Variants in BABAM2 observed in about 807,000 individuals in gnomAD.
BABAM2 encodes BRISC and BRCA1 A complex member 2.
In BABAM2, 31 loss-of-function variants were observed where a neutral mutation model predicts 54.7. The observed-to-expected ratio is 0.57, with a 90% CI of 0.43 to 0.77. BABAM2 has a LOEUF of 0.77. BABAM2 is among the 30% of genes least tolerant of loss of function. The pLI is 0.00. For synonymous variants in BABAM2, 167 were observed against 162.9 expected (o/e 1.03, Z -0.19); for missense variants, 364 against 455.8 (o/e 0.80, Z 1.83).
intron 5 of BABAM2, among the ~76,000 whole-genome samples, chr2:28,039,088 A>G (rs1424257031): frequency 6.6e-6 from 1 of 152,186 alleles, no homozygotes; most frequent in Non-Finnish European, 1.5e-5. Flanking sequence ...CTACTAGACT[A>G]TAAGCTCCAA....
intron 2 of BABAM2, among the ~76,000 whole-genome samples, chr2:27,918,948 C>A (rs1192108131): frequency 6.6e-6 from 1 of 152,184 alleles, no homozygotes; most frequent in Non-Finnish European, 1.5e-5. Flanking sequence ...ACTTGGCCTT[C>A]TAACGTGCTA....
chr2:27,946,362 T>C (rs905653659), intron 3 of BABAM2, among the ~76,000 whole-genome samples: 1 of 152,264 alleles, frequency 6.6e-6, no homozygotes, highest in Non-Finnish European at 1.5e-5. Context: ...TTGATTATTA[T>C]GTATGATCCT....
In BABAM2 at chr2:28,166,928, A is replaced by T. The variant is rs577145896; in HGVS notation, c.680+37548A>T. On this transcript the variant is annotated intron_variant, in intron 7 of 11. Coordinates refer to ENST00000379624, the MANE Select transcript of BABAM2 (RefSeq NM_199191.3). ...ATGCCTACTGGACACCCAGGGGGAG[A>T]TATCCAAGAGACAGTTAGAAATTTA... is the stretch of plus-strand genomic sequence containing the variant. Among the ~76,000 whole-genome samples, 19 of 152,264 alleles carry T rather than the reference A, an allele frequency of 1.2e-4. 1 individual carries two copies. Among genetic ancestry groups the T allele is most frequent in the Admixed American group, 1.2e-3 (18 of 15,282 alleles).
chr2:28,320,425 C>T (rs1256315123), intron 11 of BABAM2, among the ~76,000 whole-genome samples: 1 of 152,236 alleles, frequency 6.6e-6, no homozygotes, highest in African/African-American at 2.4e-5. Context: ...TGCATGTCAG[C>T]GCTGTCGCAC....
chr2:28,078,989 A>G (rs1664933158), intron 6 of BABAM2, among the ~76,000 whole-genome samples: 1 of 152,180 alleles, frequency 6.6e-6, no homozygotes, highest in South Asian at 2.1e-4. Flanking sequence ...TCCAGCATGA[A>G]CCAATTTTTC....
chr2:27,926,592 G>A (rs1192159637), intron 2 of BABAM2, among the ~76,000 whole-genome samples: 1 of 152,106 alleles, frequency 6.6e-6, no homozygotes, highest in Non-Finnish European at 1.5e-5. Flanking sequence ...ATAGCATTTA[G>A]CAATCCTAAA....
chr2:27,918,952 C>T (rs928918146), intron 2 of BABAM2, among the ~76,000 whole-genome samples: 20 of 152,200 alleles, frequency 1.3e-4, no homozygotes, highest in African/African-American at 3.9e-4. Context: ...GGCCTTCTAA[C>T]GTGCTAAGAT....
At chr2:28,308,069 C>T (rs1392012637) in intron 11 of BABAM2, 2 of 194,588 alleles carry the variant, frequency 1.0e-5, no homozygotes, top group Non-Finnish European at 2.1e-5. Context: ...ATTATAAAAA[C>T]TGAGGCTCAG....
chr2:27,936,730 T>C (rs1312110966), intron 3 of BABAM2, among the ~76,000 whole-genome samples: 2 of 151,368 alleles, frequency 1.3e-5, no homozygotes, highest in African/African-American at 4.9e-5. Context: ...TTCTCACTCA[T>C]AGGTGGGAAT....
At chr2:28,083,836 G>A (rs558656874) in intron 6 of BABAM2, among the ~76,000 whole-genome samples, 44 of 152,186 alleles carry the variant, frequency 2.9e-4, no homozygotes, top group Middle Eastern at 3.4e-3. Context: ...TGGTCATTTC[G>A]TGATCTGTAT....
chr2:28,099,596 TTTTA>T (rs1666904594), intron 6 of BABAM2, among the ~76,000 whole-genome samples: 1 of 152,240 alleles, frequency 6.6e-6, no homozygotes, highest in Non-Finnish European at 1.5e-5. Context: ...TTACTAGGGT[TTTTA>T]TTTAGTTATT....
chr2:28,092,259 A>C (rs1482138943), intron 6 of BABAM2, among the ~76,000 whole-genome samples: 1 of 152,188 alleles, frequency 6.6e-6, no homozygotes, highest in African/African-American at 2.4e-5. Context: ...TAATGATTGG[A>C]AAGGAAGAAG....
Position 28,230,250 on chromosome 2 carries a change from T to A in BABAM2, c.681-6952T>A, listed in dbSNP as rs567369820. Among the ~76,000 whole-genome samples, 17 of 152,310 alleles carry A rather than the reference T, an allele frequency of 1.1e-4. No homozygotes were observed. In the South Asian group the frequency reaches 3.5e-3, roughly 32 times the overall value. On this transcript the variant is annotated intron_variant, in intron 7 of 11. Coordinates refer to ENST00000379624, the MANE Select transcript of BABAM2 (RefSeq NM_199191.3). ...ACTCGTCTTTCTGATCTCCTTTTAT[T>A]TTCTTGTCCTATTGTACTCACTTAA...
At chr2:28,310,753 G>A (rs1056778472) in intron 11 of BABAM2, among the ~76,000 whole-genome samples, 6 of 152,052 alleles carry the variant, frequency 3.9e-5, no homozygotes, top group East Asian at 3.9e-4. Context: ...GCATGATGGC[G>A]GGCGTCTGTA....
chr2:28,335,527 C>T (rs937559617), intron 11 of BABAM2, among the ~76,000 whole-genome samples: 2 of 152,208 alleles, frequency 1.3e-5, no homozygotes, highest in African/African-American at 4.8e-5. Context: ...CTTGCAAGCT[C>T]GTGGTCATCA....
intron 11 of BABAM2, among the ~76,000 whole-genome samples, chr2:28,317,339 G>A (rs58827478): frequency 1.7e-3 from 264 of 152,276 alleles, no homozygotes; most frequent in African/African-American, 5.5e-3. Flanking sequence ...AAAGCAGGGC[G>A]TAGGTTCAAG....
chr2:28,269,377 A>C (rs916254478), intron 10 of BABAM2, among the ~76,000 whole-genome samples: 48 of 152,190 alleles, frequency 3.2e-4, no homozygotes, highest in African/African-American at 1.1e-3. Context: ...CAGCATGTGG[A>C]TACATACCTG....
intron 6 of BABAM2, among the ~76,000 whole-genome samples, chr2:28,063,266 A>C (rs1679050879): frequency 6.6e-6 from 1 of 152,248 alleles, no homozygotes; most frequent in Non-Finnish European, 1.5e-5. Context: ...AAGACTCTAG[A>C]CAGCACTGTC....
intron 7 of BABAM2, among the ~76,000 whole-genome samples, chr2:28,131,821 T>C (rs1376873375): frequency 6.6e-6 from 1 of 152,192 alleles, no homozygotes; most frequent in Non-Finnish European, 1.5e-5. Flanking sequence ...GTGTAACTAA[T>C]GAGTTAAATT....
Sources: allele counts gnomAD v4.1 joint callset (sites outside exome capture counted in the v4.1 genomes callset), GRCh38; gene constraint gnomAD v4.1.1; transcripts MANE v1.5; gene names NCBI Gene and HGNC (gene_info 2026-07-23, HGNC 2026-07-21).